Variants in BRINP2 observed in about 807,000 individuals in gnomAD.
BRINP2 encodes the protein BMP/retinoic acid-inducible neural-specific protein 2.
In BRINP2, 21 loss-of-function variants were observed where a neutral mutation model predicts 69.2. The observed-to-expected ratio is 0.30, with a 90% confidence interval of 0.22 to 0.44. BRINP2 has a LOEUF of 0.44. Ranked by LOEUF, BRINP2 falls within the 20% of genes least tolerant of loss-of-function variation. The pLI is 1.00. For synonymous variants in BRINP2, 380 were observed against 394.1 expected, an observed-to-expected ratio of 0.96 and a Z score of 0.42; for missense variants, 877 against 986.0, an observed-to-expected ratio of 0.89 and a Z score of 1.48.
intron 5 of BRINP2, among the ~76,000 whole-genome samples, chr1:177,275,438 C>T (rs1279067843): frequency 1.3e-5 from 2 of 152,170 alleles, no homozygotes; most frequent in African/African-American, 2.4e-5. Context: ...TGAAATAGGA[C>T]AGCCAGTCCC....
rs569380385 is a variant in BRINP2, at chr1:177,202,796, A to C, written c.-76-27005A>C. ...AGTGAGATACCATCTCACACCAGTT[A>C]GAATGGCGATCATTAAAAAGTCAGG... On this transcript the variant is annotated intron_variant, in intron 1 of 7. Coordinates refer to ENST00000361539, the MANE Select transcript of BRINP2 (RefSeq NM_021165.4). 2.6e-5 allele frequency among the ~76,000 whole-genome samples: 4 copies of C among 152,354 alleles called. No individual in the cohort carries two copies. The East Asian group carries it at 7.7e-4, about 29-fold the overall frequency.
At chr1:177,205,139 C>CT (rs1440052646) in intron 1 of BRINP2, among the ~76,000 whole-genome samples, 2 of 151,976 alleles carry the variant, frequency 1.3e-5, no homozygotes, top group Admixed American at 1.3e-4. Context: ...TTCACCTATA[C>CT]TTTTTTTGTT....
intron 1 of BRINP2, among the ~76,000 whole-genome samples, chr1:177,187,177 C>T (rs1381621886): frequency 6.6e-6 from 1 of 152,152 alleles, no homozygotes; most frequent in Non-Finnish European, 1.5e-5. Flanking sequence ...CCCTTCTACC[C>T]CAAATTTTGT....
At chr1:177,254,866 TATTAA>T (rs1298248081) in intron 2 of BRINP2, among the ~76,000 whole-genome samples, 1 of 152,236 alleles carries the variant, frequency 6.6e-6, no homozygotes, top group East Asian at 1.9e-4. Flanking sequence ...TTGGTCATGA[TATTAA>T]ATAGTGAGAT....
intron 2 of BRINP2, among the ~76,000 whole-genome samples, chr1:177,249,549 A>C (rs1454689534): frequency 2.0e-5 from 3 of 152,208 alleles, no homozygotes; most frequent in Admixed American, 6.5e-5. Context: ...ACAGTGGGAG[A>C]AGATTTTAGG....
intron 4 of BRINP2, among the ~76,000 whole-genome samples, chr1:177,266,295 T>C (rs1363008798): frequency 6.6e-6 from 1 of 152,286 alleles, no homozygotes; most frequent in Middle Eastern, 3.4e-3. Flanking sequence ...CTCCCTGCTC[T>C]ACTCTTCACC....
chr1:177,212,066 CAGATAGATAGATAGAT>C lies in BRINP2; in HGVS notation c.-76-17706_-76-17691del, dbSNP rs61645500. On this transcript the variant is annotated intron_variant, in intron 1 of 7. Coordinates refer to ENST00000361539, the MANE Select transcript of BRINP2 (RefSeq NM_021165.4). ...ATCTGTCTACATATCTCTATAGACA[CAGATAGATAGATAGAT>C]AGATAGATAGATAGATAGATAGATA... 3.5e-3 allele frequency among the ~76,000 whole-genome samples: 526 copies of C among 149,150 alleles called. 1 individual carries two copies. The highest frequency in any genetic ancestry group is 0.011 in the African/African-American group (450 of 40,350).
At position 177,218,002 on chromosome 1, in the gene BRINP2, G is replaced by A. The variant is rs114170604; in HGVS notation, c.-76-11799G>A. 6.0e-3 allele frequency among the ~76,000 whole-genome samples: 919 copies of A among 152,312 alleles called. 4 individuals carry two copies. Among genetic ancestry groups the A allele is most frequent in the Non-Finnish European group, 0.01 (683 of 68,028 alleles). Reference sequence around the variant, plus strand: ...TTGGGATGAATGGACTAACTGCTATGGTCAGTAGAAATGCATGACTGAGAT... The same window carrying A: ...TTGGGATGAATGGACTAACTGCTATAGTCAGTAGAAATGCATGACTGAGAT... On this transcript the variant is annotated intron_variant, in intron 1 of 7. Transcript: ENST00000361539.
At chr1:177,229,291 A>G (rs1375088986) in intron 1 of BRINP2, among the ~76,000 whole-genome samples, 4 of 152,184 alleles carry the variant, frequency 2.6e-5, no homozygotes, top group Non-Finnish European at 5.9e-5. Context: ...AACGGAAGGA[A>G]CTTCAGTACT....
At chr1:177,259,700 C>G (rs575016804) in intron 4 of BRINP2, among the ~76,000 whole-genome samples, 1 of 152,190 alleles carries the variant, frequency 6.6e-6, no homozygotes, top group African/African-American at 2.4e-5. Flanking sequence ...TATGCTGAAT[C>G]TCCTCTGCCA....
At chr1:177,175,459 C>T (rs939337149) in intron 1 of BRINP2, among the ~76,000 whole-genome samples, 1 of 152,172 alleles carries the variant, frequency 6.6e-6, no homozygotes, top group African/African-American at 2.4e-5. Flanking sequence ...CCACAGTGGG[C>T]ATCTCTCCCA....
At chr1:177,273,648 ATTCCTAGATCAAATAGCGGG>A in intron 5 of BRINP2, 55 bp downstream of exon 5, 1 of 1,118,496 alleles carries the variant, frequency 8.9e-7, no homozygotes, top group Non-Finnish European at 1.2e-6. Context: ...AAAAAAAAAA[ATTCCTAGATCAAATAGCGGG>A]AAAAAATTCT....
chr1:177,180,058 G>A (rs1648202040), intron 1 of BRINP2, among the ~76,000 whole-genome samples: 1 of 151,906 alleles, frequency 6.6e-6, no homozygotes, highest in African/African-American at 2.4e-5. Context: ...GAAATGGGTG[G>A]GACAAGTTCA....
intron 2 of BRINP2, among the ~76,000 whole-genome samples, chr1:177,248,304 A>G (rs1428791504): frequency 6.6e-6 from 1 of 152,120 alleles, no homozygotes; most frequent in Non-Finnish European, 1.5e-5. Context: ...TAAATGCTCC[A>G]GTGAGTGTTC....
intron 1 of BRINP2, among the ~76,000 whole-genome samples, chr1:177,191,846 T>A (rs1317623751): frequency 1.3e-5 from 2 of 152,220 alleles, no homozygotes; most frequent in Admixed American, 1.3e-4. Context: ...ACACCAATAA[T>A]GTGCAGTTCT....
At chr1:177,277,104 T>C (rs916873876) in intron 6 of BRINP2, among the ~76,000 whole-genome samples, 3 of 152,116 alleles carry the variant, frequency 2.0e-5, no homozygotes, top group Admixed American at 6.5e-5. Context: ...TTTATGTGGA[T>C]ATAGTTCAAA....
chr1:177,176,221 G>A (rs778325088), intron 1 of BRINP2, among the ~76,000 whole-genome samples: 3 of 152,088 alleles, frequency 2.0e-5, no homozygotes, highest in Non-Finnish European at 4.4e-5. Context: ...ATACCTCACA[G>A]GACTAAGCTC....
chr1:177,201,916 G>A (rs995387183), intron 1 of BRINP2, among the ~76,000 whole-genome samples: 1 of 152,074 alleles, frequency 6.6e-6, no homozygotes, highest in African/African-American at 2.4e-5. Context: ...ACTTCTTCCT[G>A]GTTTAGTCTT....
intron 1 of BRINP2, among the ~76,000 whole-genome samples, chr1:177,197,033 G>T (rs527474607): frequency 1.2e-4 from 18 of 152,106 alleles, no homozygotes; most frequent in Admixed American, 4.6e-4. Flanking sequence ...GTTGAATGAG[G>T]TGAGAAGGTT....
Sources: gnomAD v4.1 joint callset for allele counts (sites outside exome capture counted in the v4.1 genomes callset) on GRCh38, gnomAD v4.1.1 for gene constraint, MANE v1.5 for transcripts, NCBI Gene and HGNC (gene_info 2026-07-23, HGNC 2026-07-21) for gene names.